Variants in CRYM observed in about 807,000 individuals in gnomAD.
CRYM encodes crystallin mu, also known as ketimine reductase mu-crystallin.
A neutral mutation model predicts 32.9 loss-of-function variants in CRYM; 18 were observed. The observed-to-expected ratio is 0.55, with a 90% CI of 0.38 to 0.81. CRYM has a LOEUF of 0.81. CRYM is among the 30% of genes least tolerant of loss of function. CRYM has a pLI of 0.00. For synonymous variants in CRYM, 153 were observed against 152.4 expected, an observed-to-expected ratio of 1.00 and a Z score of -0.03; for missense variants, 337 against 393.5, an observed-to-expected ratio of 0.86 and a Z score of 1.21.
rs1453345067 is a variant in CRYM, at chr16:21,258,681, A to G, written c.*100T>C. 2 of 996,108 alleles carry G rather than the reference A, an allele frequency of 2.0e-6. No individual in the cohort carries two copies. Among genetic ancestry groups the G allele is most frequent in the Non-Finnish European group, 3.2e-6 (2 of 622,554 alleles). The allele number at this position is 996,108 out of a possible 1,614,324, so 61.7% of individuals were successfully genotyped here. On this transcript the variant is annotated 3_prime_UTR_variant, in exon 8 of 8. Transcript: ENST00000572914. ...GGTAAAACATGATAAGCACAAAAGG[A>G]GAGTTCACTGGGGACTGGACTCCCT...
Position 21,278,245 on chromosome 16 carries a change from G to A in CRYM, c.7C>T (p.Arg3Trp), listed in dbSNP as rs1277993635. The stretch of plus-strand genomic sequence containing the variant: ...GCCGCGCTCAGGAACGCTGGTACCC[G>A]GCTCATCTCGCCACCTGTGCCTTCT... MSRVPAFLSAAEV... is the reference protein window; with the variant it reads MSWVPAFLSAAEV... The change falls in exon 1 of 8, where the codon CGG becomes TGG. Residue 3 changes from arginine to tryptophan, a missense_variant. Coordinates refer to ENST00000572914, the MANE Select transcript of CRYM (RefSeq NM_001376256.1). The A allele has an allele frequency of 4.4e-6, 7 of 1,584,926 alleles. No homozygotes were observed. Among genetic ancestry groups the A allele is most frequent in the South Asian group, 1.1e-5 (1 of 87,112 alleles).
In CRYM at chr16:21,289,209, A is replaced by C. The variant is rs200504530; in HGVS notation, c.-192-10249T>G. The stretch of plus-strand genomic sequence containing the variant: ...TGACATCTCCAACTACTATTGTTGA[A>C]AGCCCTTAAATCTGTCAGTTTTTGC... On this transcript the variant is annotated intron_variant, in intron 1 of 9. Transcript: ENST00000219599. Among the ~76,000 whole-genome samples the C allele has an allele frequency of 1.4e-4, 21 of 152,298 alleles. No individual in the cohort carries two copies. In the East Asian group the frequency reaches 2.3e-3, roughly 17 times the overall value.
At chr16:21,300,770 C>G (rs1960897162) in intron 1 of CRYM, 1 of 152,240 alleles carries the variant, frequency 6.6e-6, no homozygotes, top group South Asian at 2.1e-4. Flanking sequence ...AAGTCGTATC[C>G]GGCATTGCAG....
At position 21,261,350 on chromosome 16, in the gene CRYM, A is replaced by C. The variant is rs1267826250; in HGVS notation, c.796-12T>G. ...GCAAAGATCTCGGCCTAGGAAACAA[A>C]CATACGCTGACCCAGGCATGAAGCT... On this transcript the variant is annotated splice_polypyrimidine_tract_variant and intron_variant, in intron 6 of 7. Transcript: ENST00000572914. The C allele has an allele frequency of 6.2e-7, 1 of 1,611,408 alleles. No homozygotes were observed. The highest frequency in any genetic ancestry group is 1.7e-5 in the Admixed American group (1 of 59,992).
At chr16:21,269,695 T>A (rs2152862281) in intron 4 of CRYM, 95 bp downstream of exon 4, 1 of 861,920 alleles carries the variant, frequency 1.2e-6, no homozygotes, top group Non-Finnish European at 1.9e-6. Flanking sequence ...CACAACTTAA[T>A]TATTTCAGAA....
At chr16:21,286,934 C>T (rs965242629) in intron 1 of CRYM, among the ~76,000 whole-genome samples, 1 of 151,652 alleles carries the variant, frequency 6.6e-6, no homozygotes, top group Non-Finnish European at 1.5e-5. Context: ...ACTAAAAATA[C>T]AAAAAATTAG....
intron 3 of CRYM, among the ~76,000 whole-genome samples, chr16:21,272,160 G>C (rs2093376900): frequency 6.6e-6 from 1 of 152,034 alleles, no homozygotes; most frequent in South Asian, 2.1e-4. Flanking sequence ...ACTGCACCCA[G>C]CCGATTTTTA....
At chr16:21,290,741 T>C (rs1304098581) in intron 1 of CRYM, among the ~76,000 whole-genome samples, 3 of 152,228 alleles carry the variant, frequency 2.0e-5, no homozygotes, top group Non-Finnish European at 2.9e-5. Context: ...TAATTTAGTA[T>C]TTAGAGGAAT....
chr16:21,275,209 G>A (rs2093383866), intron 3 of CRYM, among the ~76,000 whole-genome samples: 1 of 152,206 alleles, frequency 6.6e-6, no homozygotes, highest in African/African-American at 2.4e-5. Flanking sequence ...GCACTTATTA[G>A]CTGTGTGATC....
intron 4 of CRYM, among the ~76,000 whole-genome samples, chr16:21,267,967 C>T (rs2093367608): frequency 6.6e-6 from 1 of 152,200 alleles, no homozygotes; most frequent in Admixed American, 6.5e-5. Context: ...CCACTTTCCC[C>T]TTTTAAAATG....
intron 5 of CRYM, 184 bp from the exon 6 acceptor site, chr16:21,262,342 G>T: frequency 1.6e-6 from 1 of 640,534 alleles, no homozygotes; most frequent in Non-Finnish European, 2.7e-6. Context: ...AATAGGCCAG[G>T]TGTGGTGGCT....
At chr16:21,280,147 A>C (rs1182816439), upstream of CRYM, among the ~76,000 whole-genome samples, 1 of 152,176 alleles carries the variant, frequency 6.6e-6, no homozygotes, top group Non-Finnish European at 1.5e-5. Flanking sequence ...TGGGAGGCCC[A>C]AGTGGGTGGA....
Position 21,267,597 on chromosome 16 carries a change from G to A in CRYM, c.630C>T (p.Pro210=), listed in dbSNP as rs2093366622. The change falls in exon 5 of 8, where the codon CCC becomes CCT. Residue 210 remains proline (P), a synonymous_variant. Coordinates refer to ENST00000572914, the MANE Select transcript of CRYM (RefSeq NM_001376256.1). ...VIITVTLATE[P]ILFGEWVKPG... is the part of the protein sequence containing the mutation. ...GCTTCACCCATTCACCAAACAAAAT[G>A]GGCTCTGTTGCCAGGGTGACTGTGA... is the stretch of plus-strand genomic sequence containing the variant. The A allele has an allele frequency of 2.5e-6, 4 of 1,614,008 alleles. No individual in the cohort carries two copies. The highest frequency in any genetic ancestry group is 3.4e-6 in the Non-Finnish European group (4 of 1,179,990).
intron 1 of CRYM, among the ~76,000 whole-genome samples, chr16:21,296,355 A>G (rs932782983): frequency 7.2e-5 from 11 of 152,262 alleles, no homozygotes; most frequent in African/African-American, 2.2e-4. Context: ...AAATGGAAAT[A>G]TAGATGAGAA....
chr16:21,277,324 G>T lies in CRYM; in HGVS notation c.324+107C>A. On this transcript the variant is annotated intron_variant, in intron 2 of 7. Coordinates refer to ENST00000572914, the MANE Select transcript of CRYM (RefSeq NM_001376256.1). This position sits in a 1 kb window ranked among gnomAD's most constrained non-coding sequence, Gnocchi z 4.2. ...GCTGGTATCCAGTCACTTGCAGAGG[G>T]GCACGCGTAGTCACAATCAAGACTC... 1 of 1,167,566 alleles carries T rather than the reference G, an allele frequency of 8.6e-7. No individual in the cohort carries two copies. Among genetic ancestry groups the T allele is most frequent in the Non-Finnish European group, 1.2e-6 (1 of 808,162 alleles). 72.3% of individuals were successfully genotyped at this position (1,167,566 alleles called of 1,614,324 possible).
At chr16:21,275,460 G>C in intron 3 of CRYM, 72 bp downstream of exon 3, 1 of 1,357,236 alleles carries the variant, frequency 7.4e-7, no homozygotes. Flanking sequence ...TTCTCCTTTA[G>C]TCTCTCAAGA....
rs770985062 is a variant in CRYM, at chr16:21,262,412, G to A, written c.674-254C>T. 147 of 405,248 alleles carry A rather than the reference G, an allele frequency of 3.6e-4. 1 individual carries two copies. The highest frequency in any genetic ancestry group is 6.2e-4 in the Non-Finnish European group (132 of 213,068). 25.1% of individuals were successfully genotyped at this position (405,248 alleles called of 1,614,324 possible). A position where few individuals can be genotyped will look rare whatever the true frequency, so the allele number is the denominator to read the frequency against. The stretch of plus-strand genomic sequence containing the variant: ...GCAGGCAGATCACTTGAAGCCAGGA[G>A]TTTGAGACTAGCCTGGCCAACATGG... On this transcript the variant is annotated intron_variant, in intron 5 of 7. Coordinates refer to ENST00000572914, the MANE Select transcript of CRYM (RefSeq NM_001376256.1).
At chr16:21,290,742 T>A (rs76608122) in intron 1 of CRYM, among the ~76,000 whole-genome samples, 94 of 152,342 alleles carry the variant, frequency 6.2e-4, no homozygotes, top group Non-Finnish European at 1.2e-3. Context: ...AATTTAGTAT[T>A]TAGAGGAATC....
chr16:21,295,940 A>G (rs1048099624), intron 1 of CRYM, among the ~76,000 whole-genome samples: 10 of 152,200 alleles, frequency 6.6e-5, no homozygotes, highest in Non-Finnish European at 2.9e-5. Flanking sequence ...TCTAAAAAAA[A>G]AAAAAGAAAG....
Sources: gnomAD v4.1 joint callset for allele counts (sites outside exome capture counted in the v4.1 genomes callset) on GRCh38, gnomAD v4.1.1 for gene constraint, Gnocchi (gnomAD v3.1) non-coding constraint, MANE v1.5 for transcripts, NCBI Gene and HGNC (gene_info 2026-07-23, HGNC 2026-07-21) for gene names.